Variants in MMP16 observed in about 807,000 individuals in gnomAD.
The protein encoded by MMP16 is matrix metalloproteinase-16.
A neutral mutation model predicts 67.8 loss-of-function variants in MMP16; 12 were observed. That is an observed-to-expected ratio of 0.18 (90% CI 0.11 to 0.29). MMP16 has a LOEUF of 0.29. Among genes scored for constraint, MMP16 ranks in the 10% least tolerant of loss-of-function variants. The probability of loss-of-function intolerance (pLI) is 1.00; values close to 1 mark genes in which losing one functional copy is unlikely to be tolerated. For missense variants in MMP16, 475 were observed against 765.7 expected (o/e 0.62, Z 4.48); for synonymous variants, 249 against 255.9 (o/e 0.97, Z 0.26).
chr8:88,246,757 T>C (rs142480302), intron 1 of MMP16, among the ~76,000 whole-genome samples: 168 of 152,270 alleles, frequency 1.1e-3, no homozygotes, highest in African/African-American at 3.8e-3. Context: ...TATCAAGACA[T>C]ATGTGATACT....
At position 88,135,993 on chromosome 8, in the gene MMP16, C is replaced by T. The variant is rs141256019; in HGVS notation, c.710-17132G>A. On this transcript the variant is annotated intron_variant, in intron 4 of 9. Coordinates refer to ENST00000286614, the MANE Select transcript of MMP16 (RefSeq NM_005941.5). The stretch of plus-strand genomic sequence containing the variant: ...GCAGAAAAAAGATACAGAAAGATTA[C>T]AAAAGAAAGGATAATAAAATCCATG... Among the ~76,000 whole-genome samples the T allele has an allele frequency of 1.0e-3, 151 of 151,664 alleles. 5 individuals are homozygous for T. The East Asian group carries it at 0.027, about 28-fold the overall frequency.
At chr8:88,082,825 TA>T (rs28991875) in intron 6 of MMP16, among the ~76,000 whole-genome samples, 1 of 151,054 alleles carries the variant, frequency 6.6e-6, no homozygotes, top group Non-Finnish European at 1.5e-5. Flanking sequence ...TTGTTAAAAA[TA>T]AAAAAAATTA....
chr8:88,231,211 C>T (rs1809854386), intron 1 of MMP16, among the ~76,000 whole-genome samples: 1 of 151,938 alleles, frequency 6.6e-6, no homozygotes, highest in African/African-American at 2.4e-5. Context: ...CAATAAAGAC[C>T]AGAAAGAGTG....
At position 88,186,655 on chromosome 8, in the gene MMP16, C is replaced by A. The variant is rs111670310; in HGVS notation, c.282-57G>T. 9.8e-6 allele frequency: 15 copies of A among 1,524,478 alleles called. No individual in the cohort carries two copies. In the African/African-American group the frequency reaches 1.2e-4, roughly 12 times the overall value. The allele number at this position is 1,524,478 out of a possible 1,614,324, so 94.4% of individuals were successfully genotyped here. On this transcript the variant is annotated intron_variant, in intron 2 of 9. Transcript: ENST00000286614. ...GTATTTTCCAGTTATTTACTAACAA[C>A]CCTAATCATTAAATTCAAAAGAAAA...
Position 88,042,257 on chromosome 8 carries a change from G to A in MMP16, c.1490-462C>T, listed in dbSNP as rs1286197541. Among the ~76,000 whole-genome samples the A allele has an allele frequency of 5.9e-5, 9 of 152,224 alleles. No individual in the cohort carries two copies. In the East Asian group the frequency reaches 1.4e-3, roughly 23 times the overall value. On this transcript the variant is annotated intron_variant, in intron 9 of 9. Coordinates refer to ENST00000286614, the MANE Select transcript of MMP16 (RefSeq NM_005941.5). ...ACATTGTTCAATATATGATAAAGTC[G>A]CTTCTCTATGAAACACCTCAAGGGA...
chr8:88,071,510 T>A, intron 7 of MMP16, among the ~76,000 whole-genome samples: 1 of 151,888 alleles, frequency 6.6e-6, no homozygotes. Context: ...AGATGATTTC[T>A]GTAGAGAGAG....
In MMP16 at chr8:88,271,586, C is replaced by T. The variant is rs34503024; in HGVS notation, c.132+55489G>A. On this transcript the variant is annotated intron_variant, in intron 1 of 9. Coordinates refer to ENST00000286614, the MANE Select transcript of MMP16 (RefSeq NM_005941.5). The stretch of plus-strand genomic sequence containing the variant: ...TTGGCTCACTGCAACCTCCGCCTCC[C>T]GGGTTCAAGCGATTCTCCTGCCGCA... Among the ~76,000 whole-genome samples, 773 of 151,580 alleles carry T rather than the reference C, an allele frequency of 5.1e-3. 4 individuals are homozygous for T. Among genetic ancestry groups the T allele is most frequent in the Middle Eastern group, 0.034 (10 of 294 alleles).
rs56780519 is a variant in MMP16, at chr8:88,306,001, G to GT, written c.132+21073dup. Among the ~76,000 whole-genome samples the GT allele has an allele frequency of 7.0e-3, 1,003 of 143,174 alleles. 7 individuals carry two copies. The highest frequency in any genetic ancestry group is 0.018 in the Middle Eastern group (5 of 284). 93.9% of individuals were successfully genotyped at this position (143,174 alleles called of 152,430 possible). A position where few individuals can be genotyped will look rare whatever the true frequency, so the allele number is the denominator to read the frequency against. ...TGAAAAATCAATGAACCCAGGAGGT[G>GT]TTTTTTTTTTTGAAAAAATTAATAA... On this transcript the variant is annotated intron_variant, in intron 1 of 9. Coordinates refer to ENST00000286614, the MANE Select transcript of MMP16 (RefSeq NM_005941.5).
intron 1 of MMP16, among the ~76,000 whole-genome samples, chr8:88,220,992 G>C (rs955874401): frequency 1.3e-5 from 2 of 152,096 alleles, no homozygotes; most frequent in Non-Finnish European, 2.9e-5. Context: ...CAGGCTGGGT[G>C]AGCTATGTAC....
chr8:88,085,667 C>T (rs538774656), intron 6 of MMP16, among the ~76,000 whole-genome samples: 3 of 151,944 alleles, frequency 2.0e-5, no homozygotes, highest in African/African-American at 7.2e-5. Context: ...CCCTTAATGT[C>T]TTTATTTTCA....
intron 1 of MMP16, among the ~76,000 whole-genome samples, chr8:88,262,385 C>T (rs1810400707): frequency 6.6e-6 from 1 of 152,142 alleles, no homozygotes; most frequent in Non-Finnish European, 1.5e-5. Flanking sequence ...GACTTGTCTA[C>T]CAAGAATACA....
intron 4 of MMP16, among the ~76,000 whole-genome samples, chr8:88,137,743 G>GTCCTATATGCATGTCTCTAC (rs1808144930): frequency 1.3e-5 from 2 of 151,600 alleles, no homozygotes; most frequent in Non-Finnish European, 2.9e-5. Context: ...TTTTCATTGT[G>GTCCTATATGCATGTCTCTAC]TCCTATATGC....
intron 3 of MMP16, among the ~76,000 whole-genome samples, chr8:88,170,550 C>T (rs1443497378): frequency 6.6e-6 from 1 of 152,160 alleles, no homozygotes; most frequent in Non-Finnish European, 1.5e-5. Flanking sequence ...AAAGAACTTA[C>T]TACATAATTG....
chr8:88,101,749 T>C (rs1332399898), intron 6 of MMP16, among the ~76,000 whole-genome samples: 1 of 151,896 alleles, frequency 6.6e-6, no homozygotes, highest in Non-Finnish European at 1.5e-5. Flanking sequence ...TGTACCATTC[T>C]TTTGAGTCAA....
At chr8:88,259,385 A>C (rs1810352812) in intron 1 of MMP16, among the ~76,000 whole-genome samples, 1 of 152,182 alleles carries the variant, frequency 6.6e-6, no homozygotes, top group Non-Finnish European at 1.5e-5. Flanking sequence ...ATGTTCATAC[A>C]CTGGTGAGGG....
intron 7 of MMP16, among the ~76,000 whole-genome samples, chr8:88,057,114 T>A (rs1015162482): frequency 1.3e-5 from 2 of 152,038 alleles, no homozygotes; most frequent in African/African-American, 4.8e-5. Flanking sequence ...AACTAAAAAA[T>A]TTTCCACCCT....
intron 4 of MMP16, among the ~76,000 whole-genome samples, chr8:88,155,076 T>A (rs911234184): frequency 2.0e-5 from 3 of 152,226 alleles, no homozygotes; most frequent in African/African-American, 7.2e-5. Flanking sequence ...TGAAAATACA[T>A]AATATCAGAC....
intron 7 of MMP16, among the ~76,000 whole-genome samples, chr8:88,068,196 A>C (rs1808487461): frequency 6.6e-6 from 1 of 152,104 alleles, no homozygotes. Context: ...AGCTCATTTG[A>C]CATCCATCTA....
chr8:88,077,070 G>A (rs1042142697), intron 6 of MMP16, among the ~76,000 whole-genome samples: 8 of 152,122 alleles, frequency 5.3e-5, no homozygotes, highest in African/African-American at 1.9e-4. Flanking sequence ...GTTCTGTCTC[G>A]AGATAAGCAT....
Sources: allele counts gnomAD v4.1 joint callset (sites outside exome capture counted in the v4.1 genomes callset), GRCh38; gene constraint gnomAD v4.1.1; transcripts MANE v1.5; gene names NCBI Gene and HGNC (gene_info 2026-07-23, HGNC 2026-07-21).